Variants in C12orf43 observed in about 807,000 individuals in gnomAD.
C12orf43 encodes chromosome 12 open reading frame 43.
C12orf43 carries 15 observed loss-of-function variants against 20.6 expected under a neutral mutation model. The ratio of observed to expected loss-of-function variants is 0.73; its 90% CI spans 0.49 to 1.12. C12orf43 has a LOEUF of 1.12. Among genes scored for constraint, C12orf43 ranks in the 50% most tolerant of loss-of-function variants. The probability of loss-of-function intolerance (pLI) is 0.00; values close to 1 mark genes in which losing one functional copy is unlikely to be tolerated. For missense variants in C12orf43, 334 were observed against 344.4 expected, an observed-to-expected ratio of 0.97 and a Z score of 0.24; for synonymous variants, 144 against 130.8, an observed-to-expected ratio of 1.10 and a Z score of -0.69.
At position 121,001,391 on chromosome 12, in the gene C12orf43, G is replaced by A; in HGVS notation, c.*2762C>T. 1.6e-6 allele frequency: 1 copy of A among 629,620 alleles called. No homozygotes were observed. Among genetic ancestry groups the A allele is most frequent in the Non-Finnish European group, 2.8e-6 (1 of 361,660 alleles). 39.0% of individuals were successfully genotyped at this position (629,620 alleles called of 1,614,324 possible). ...CCAACCCGTGGAGGCTGCTCGGGGT[G>A]CACAGGAGGGGGTCGTGGAGAGCTA... On this transcript the variant is annotated 3_prime_UTR_variant, in exon 6 of 6. Transcript: ENST00000288757.
rs1257135897 is a variant in C12orf43, at chr12:121,004,356, T to G, written c.586A>C (p.Lys196Gln). The change falls in exon 6 of 6, where the codon AAA becomes CAA. Residue 196 changes from lysine (K) to glutamine (Q), a missense_variant. Lys to Gln is a moderately conservative substitution (Grantham distance 53). Coordinates refer to ENST00000288757, the MANE Select transcript of C12orf43 (RefSeq NM_022895.3). This position sits in a 1 kb window ranked among gnomAD's most constrained non-coding sequence, Gnocchi z 5.6. Reference protein sequence around the residue: ...EAKKKRKLKKKAKKVASVDSA... With the variant: ...EAKKKRKLKKQAKKVASVDSA... ...TCGACACTGGCCACCTTCTTGGCTT[T>G]CTTTTTCAACTTCCTTTTCTTCTTT... 5 of 1,614,058 alleles carry G rather than the reference T, an allele frequency of 3.1e-6. No homozygotes were observed. The highest frequency in any genetic ancestry group is 3.4e-6 in the Non-Finnish European group (4 of 1,179,986).
chr12:121,007,542 C>T (rs1008072602), intron 3 of C12orf43, among the ~76,000 whole-genome samples: 1 of 152,202 alleles, frequency 6.6e-6, no homozygotes, highest in African/African-American at 2.4e-5. Context: ...CACGGCCTAG[C>T]CACAAGTAGC....
chr12:121,012,916 G>T (rs998040115), intron 1 of C12orf43, among the ~76,000 whole-genome samples: 3 of 150,494 alleles, frequency 2.0e-5, no homozygotes, highest in Admixed American at 6.7e-5. Context: ...ACTACAGGGC[G>T]TGAGAAATGA....
chr12:121,008,559 T>C (rs1293854020), intron 3 of C12orf43, among the ~76,000 whole-genome samples: 2 of 152,266 alleles, frequency 1.3e-5, no homozygotes, highest in Non-Finnish European at 2.9e-5. Flanking sequence ...AAGCAGGCCC[T>C]GTTCAGCCTG....
At chr12:121,015,625 G>A (rs1034564658) in intron 1 of C12orf43, among the ~76,000 whole-genome samples, 2 of 152,186 alleles carry the variant, frequency 1.3e-5, no homozygotes, top group Non-Finnish European at 1.5e-5. Flanking sequence ...TCAGGGATGA[G>A]TGTAAATGAC....
chr12:121,011,608 C>T (rs978241510), intron 1 of C12orf43, among the ~76,000 whole-genome samples: 30 of 152,100 alleles, frequency 2.0e-4, no homozygotes, highest in Admixed American at 1.4e-3. Context: ...GCAGAAGAAA[C>T]GTCAAAGATA....
In C12orf43 at chr12:121,004,894, A is replaced by G; in HGVS notation, c.452+109T>C. On this transcript the variant is annotated intron_variant, in intron 5 of 5. Coordinates refer to ENST00000288757, the MANE Select transcript of C12orf43 (RefSeq NM_022895.3). The surrounding 1 kb of genome is among the most constrained non-coding windows in gnomAD (Gnocchi z 5.6). ...ATTTCTCCAGCTGCCTGACAGGGCC[A>G]CTGCCTTGGCCTGGTCCTGACTGGA... is the stretch of plus-strand genomic sequence containing the variant. 1 of 768,460 alleles carries G rather than the reference A, an allele frequency of 1.3e-6. No homozygotes were observed. The highest frequency in any genetic ancestry group is 1.9e-6 in the Non-Finnish European group (1 of 522,140). The allele number at this position is 768,460 out of a possible 1,614,324, so 47.6% of individuals were successfully genotyped here. A position where few individuals can be genotyped will look rare whatever the true frequency, so the allele number is the denominator to read the frequency against.
chr12:121,013,025 G>A (rs980392259), intron 1 of C12orf43, among the ~76,000 whole-genome samples: 13 of 152,212 alleles, frequency 8.5e-5, no homozygotes, highest in South Asian at 2.1e-4. Context: ...TGGTAGCTCC[G>A]GGCCCAGTGG....
Position 121,000,851 on chromosome 12 carries a change from A to G in C12orf43, c.*3302T>C. 1 of 616,636 alleles carries G rather than the reference A, an allele frequency of 1.6e-6. No homozygotes were observed. The highest frequency in any genetic ancestry group is 2.9e-6 in the Non-Finnish European group (1 of 343,098). The allele number at this position is 616,636 out of a possible 1,614,324, so 38.2% of individuals were successfully genotyped here. A position where few individuals can be genotyped will look rare whatever the true frequency, so the allele number is the denominator to read the frequency against. On this transcript the variant is annotated 3_prime_UTR_variant, in exon 6 of 6. Transcript: ENST00000288757. ...GGGCTTCTCCAGTGTTCACACTAAG[A>G]TGTACTCAGGCCACTCCATGGGCGG...
Position 121,002,074 on chromosome 12 carries a change from T to C in C12orf43, c.*2079A>G. ...TCTGTCTCGAGCGCCCTGCAGACCC[T>C]GCCCTTGTTTGGGGCAGGAGTAGCT... On this transcript the variant is annotated 3_prime_UTR_variant, in exon 6 of 6. Coordinates refer to ENST00000288757, the MANE Select transcript of C12orf43 (RefSeq NM_022895.3). 1.9e-6 allele frequency: 1 copy of C among 536,300 alleles called. No homozygotes were observed. Among genetic ancestry groups the C allele is most frequent in the Non-Finnish European group, 3.6e-6 (1 of 276,510 alleles). The allele number at this position is 536,300 out of a possible 1,614,324, so 33.2% of individuals were successfully genotyped here.
chr12:121,012,004 C>T (rs1868408089), intron 1 of C12orf43, among the ~76,000 whole-genome samples: 1 of 152,058 alleles, frequency 6.6e-6, no homozygotes, highest in African/African-American at 2.4e-5. Context: ...CATACGTAAA[C>T]AAAATGTCAA....
chr12:121,014,420 G>A (rs1239298832), intron 1 of C12orf43, among the ~76,000 whole-genome samples: 1 of 149,316 alleles, frequency 6.7e-6, no homozygotes, highest in East Asian at 2.0e-4. Flanking sequence ...CCTGAGGTCT[G>A]GAGTTTGAGA....
chr12:121,010,681 G>A (rs981769455), intron 3 of C12orf43, 147 bp downstream of exon 3: 2 of 467,732 alleles, frequency 4.3e-6, no homozygotes, highest in Non-Finnish European at 7.2e-6. Context: ...GGACCCACAT[G>A]ATAATGTTCT....
At position 121,009,155 on chromosome 12, in the gene C12orf43, C is replaced by G. The variant is rs777687800; in HGVS notation, c.287+1673G>C. Among the ~76,000 whole-genome samples the G allele has an allele frequency of 8.5e-5, 13 of 152,132 alleles. 1 individual carries two copies. The highest frequency in any genetic ancestry group is 6.3e-3 in the Middle Eastern group (2 of 316). On this transcript the variant is annotated intron_variant, in intron 3 of 5. Coordinates refer to ENST00000288757, the MANE Select transcript of C12orf43 (RefSeq NM_022895.3). ...CCTCCCCAAATTCTTATGGTGAAAT[C>G]CTCACCCCAGCTGGGCATGGTGCCT...
At chr12:121,006,433 T>G in intron 3 of C12orf43, 39 bp from the exon 4 acceptor site, 8 of 1,596,892 alleles carry the variant, frequency 5.0e-6, no homozygotes, top group Non-Finnish European at 6.9e-6. Flanking sequence ...GATGAGATTT[T>G]TGGATAACGA....
At position 121,006,326 on chromosome 12, in the gene C12orf43, T is replaced by G. The variant is rs747655229; in HGVS notation, c.356A>C (p.Asp119Ala). 9.3e-6 allele frequency: 15 copies of G among 1,612,988 alleles called. No individual in the cohort carries two copies. The highest frequency in any genetic ancestry group is 1.3e-5 in the Non-Finnish European group (15 of 1,179,134). ...TATTAAGTATAACCACTCACCATCA[T>G]CCTCCAAAGCGACTTTCTGTACCTT... is the stretch of plus-strand genomic sequence containing the variant. ...KAKVQKVALE[D>A]DGFRLFFTSV... The change falls in exon 4 of 6, where the codon GAT becomes GCT. Residue 119 changes from aspartate to alanine, a missense_variant. Asp to Ala is a moderately radical substitution (Grantham distance 126, BLOSUM62 -2). Transcript: ENST00000288757.
chr12:121,001,465 G>A lies in C12orf43; in HGVS notation c.*2688C>T, dbSNP rs1425057069. The A allele has an allele frequency of 4.0e-6, 2 of 503,664 alleles. No homozygotes were observed. Among genetic ancestry groups the A allele is most frequent in the East Asian group, 3.4e-5 (1 of 29,044 alleles). The allele number at this position is 503,664 out of a possible 1,614,324, so 31.2% of individuals were successfully genotyped here. On this transcript the variant is annotated 3_prime_UTR_variant, in exon 6 of 6. Transcript: ENST00000288757. The stretch of plus-strand genomic sequence containing the variant: ...ATGTAGGAGGGACTGTCGCTGCTTC[G>A]TGGGATACAGTCTTCTTACTTGGAA...
In C12orf43 at chr12:121,001,366, C is replaced by A; in HGVS notation, c.*2787G>T. On this transcript the variant is annotated 3_prime_UTR_variant, in exon 6 of 6. Transcript: ENST00000288757. ...CAGAAAGGGAGGGCTCTGAGGCGCC[C>A]CAACCCGTGGAGGCTGCTCGGGGTG... 1.2e-6 allele frequency: 1 copy of A among 805,188 alleles called. No homozygotes were observed. The highest frequency in any genetic ancestry group is 2.0e-6 in the Non-Finnish European group (1 of 509,824). The allele number at this position is 805,188 out of a possible 1,614,324, so 49.9% of individuals were successfully genotyped here. A position where few individuals can be genotyped will look rare whatever the true frequency, so the allele number is the denominator to read the frequency against.
In C12orf43 at chr12:121,002,247, T is replaced by C; in HGVS notation, c.*1906A>G. On this transcript the variant is annotated 3_prime_UTR_variant, in exon 6 of 6. Coordinates refer to ENST00000288757, the MANE Select transcript of C12orf43 (RefSeq NM_022895.3). ...ACACTCAGAAGCCTGGGGGCCTGGC[T>C]GGCTGAGGGCAGTTCGCAGCCACCC... is the stretch of plus-strand genomic sequence containing the variant. 2.3e-6 allele frequency: 1 copy of C among 440,436 alleles called. No individual in the cohort carries two copies. The highest frequency in any genetic ancestry group is 3.4e-5 in the Admixed American group (1 of 29,324). 27.3% of individuals were successfully genotyped at this position (440,436 alleles called of 1,614,324 possible).
Sources: gnomAD v4.1 joint callset for allele counts (sites outside exome capture counted in the v4.1 genomes callset) on GRCh38, gnomAD v4.1.1 for gene constraint, Gnocchi (gnomAD v3.1) non-coding constraint, MANE v1.5 for transcripts, NCBI Gene and HGNC (gene_info 2026-07-23, HGNC 2026-07-21) for gene names.